Variants in ARMC9 observed in about 807,000 individuals in gnomAD.
ARMC9 encodes the protein lisH domain-containing protein ARMC9.
In ARMC9, 94 loss-of-function variants were observed where a neutral mutation model predicts 107.0. The ratio of observed to expected loss-of-function variants is 0.88; its 90% CI spans 0.74 to 1.04. The LOEUF (loss-of-function observed/expected upper bound fraction) is 1.04. Ranked by LOEUF, ARMC9 falls within the 50% of genes least tolerant of loss-of-function variation. The probability of loss-of-function intolerance (pLI) is 0.00; values close to 1 mark genes in which losing one functional copy is unlikely to be tolerated. For missense variants in ARMC9, 942 were observed against 1,030.1 expected (o/e 0.91, Z 1.17); for synonymous variants, 380 against 396.9 (o/e 0.96, Z 0.51).
At chr2:231,210,724 A>T (rs931404118) in intron 3 of ARMC9, among the ~76,000 whole-genome samples, 3 of 152,230 alleles carry the variant, frequency 2.0e-5, no homozygotes, top group Non-Finnish European at 4.4e-5. Context: ...TGCATCTGAG[A>T]ACACTCAAAT....
At chr2:231,229,765 A>T (rs1352206255) in intron 7 of ARMC9, among the ~76,000 whole-genome samples, 1 of 152,220 alleles carries the variant, frequency 6.6e-6, no homozygotes, top group Non-Finnish European at 1.5e-5. Flanking sequence ...GTATATCATT[A>T]TAAAGACAGA....
At chr2:231,331,294 G>A (rs1048478276) in intron 19 of ARMC9, among the ~76,000 whole-genome samples, 22 of 152,142 alleles carry the variant, frequency 1.4e-4, no homozygotes, top group Non-Finnish European at 2.9e-5. Flanking sequence ...GTAGTGGGAG[G>A]AATATGGAAA....
At chr2:231,337,721 G>A (rs1427975006) in intron 20 of ARMC9, among the ~76,000 whole-genome samples, 2 of 152,050 alleles carry the variant, frequency 1.3e-5, no homozygotes, top group Admixed American at 6.6e-5. Flanking sequence ...ACCTCACCCG[G>A]CCTCAATGTC....
At chr2:231,303,440 T>A (rs373884100) in intron 19 of ARMC9, among the ~76,000 whole-genome samples, 1 of 152,234 alleles carries the variant, frequency 6.6e-6, no homozygotes, top group Non-Finnish European at 1.5e-5. Flanking sequence ...TTCCTGATCT[T>A]ACAGTGAATG....
intron 5 of ARMC9, among the ~76,000 whole-genome samples, chr2:231,217,740 G>A (rs1360827044): frequency 1.3e-5 from 2 of 152,146 alleles, no homozygotes; most frequent in African/African-American, 4.8e-5. Context: ...GCCCAGGCTG[G>A]AGTATAGTGG....
intron 3 of ARMC9, among the ~76,000 whole-genome samples, chr2:231,212,602 T>C (rs908933058): frequency 6.6e-6 from 1 of 152,222 alleles, no homozygotes. Flanking sequence ...GAATGGGCAC[T>C]GGGTTTGCTT....
chr2:231,312,178 G>C (rs2042392353), intron 19 of ARMC9, among the ~76,000 whole-genome samples: 1 of 152,210 alleles, frequency 6.6e-6, no homozygotes, highest in Non-Finnish European at 1.5e-5. Context: ...CTGGATGTCA[G>C]CTGGGCCGGA....
At chr2:231,370,375 TGAG>T (rs1286457870) in intron 24 of ARMC9, among the ~76,000 whole-genome samples, 2 of 152,198 alleles carry the variant, frequency 1.3e-5, no homozygotes, top group Admixed American at 1.3e-4. Flanking sequence ...AAACTCAAGC[TGAG>T]GAGTGAGACC....
At position 231,297,837 on chromosome 2, in the gene ARMC9, CT is replaced by C. The variant is rs1168952439; in HGVS notation, c.1773+1591del. Reference sequence around the variant, plus strand: ...ATATTTAATTATTTGTTTTTAACAACTTTTTTTCATTGTGTCCTAAAGTTTG... The same window carrying C: ...ATATTTAATTATTTGTTTTTAACAACTTTTTTCATTGTGTCCTAAAGTTTG... On this transcript the variant is annotated intron_variant, in intron 19 of 24. Coordinates refer to ENST00000611582, the MANE Select transcript of ARMC9 (RefSeq NM_001352754.2). The surrounding 1 kb of genome is among the most constrained non-coding windows in gnomAD (Gnocchi z 4.2). Among the ~76,000 whole-genome samples, 1 of 152,134 alleles carries C rather than the reference CT, an allele frequency of 6.6e-6. No homozygotes were observed. The highest frequency in any genetic ancestry group is 2.4e-5 in the African/African-American group (1 of 41,426).
intron 19 of ARMC9, among the ~76,000 whole-genome samples, chr2:231,316,049 T>A (rs1169063727): frequency 1.3e-5 from 2 of 152,198 alleles, no homozygotes; most frequent in African/African-American, 4.8e-5. Context: ...TAGGCTCGAT[T>A]TCTGTTCCTC....
chr2:231,203,802 A>G (rs1414909438), intron 1 of ARMC9, among the ~76,000 whole-genome samples: 1 of 152,182 alleles, frequency 6.6e-6, no homozygotes, highest in East Asian at 1.9e-4. Flanking sequence ...TCTACTAAAA[A>G]TACAAAAATT....
chr2:231,296,106 A>C (rs1030438868), intron 18 of ARMC9, 92 bp from the exon 19 acceptor site: 3 of 855,702 alleles, frequency 3.5e-6, no homozygotes, highest in Non-Finnish European at 5.6e-6. Flanking sequence ...ATTCTCATTA[A>C]GGTGTTTATG....
chr2:231,357,003 C>T (rs1175114368), intron 22 of ARMC9, among the ~76,000 whole-genome samples: 3 of 152,088 alleles, frequency 2.0e-5, no homozygotes, highest in African/African-American at 4.8e-5. Context: ...CACTGAGAGG[C>T]CCTTTATTTT....
At position 231,375,439 on chromosome 2, in the gene ARMC9, G is replaced by C. The variant is rs2046167408; in HGVS notation, c.*3904G>C. On this transcript the variant is annotated 3_prime_UTR_variant, in exon 25 of 25. Coordinates refer to ENST00000611582, the MANE Select transcript of ARMC9 (RefSeq NM_001352754.2). The surrounding 1 kb of genome is among the most constrained non-coding windows in gnomAD (Gnocchi z 4.3). ...CCCCGAATGAACCAGAGGCAATACT[G>C]CTGCAAGCTACCACATAGATGCTGT... Among the ~76,000 whole-genome samples the C allele has an allele frequency of 6.6e-6, 1 of 152,244 alleles. No homozygotes were observed. Among genetic ancestry groups the C allele is most frequent in the Non-Finnish European group, 1.5e-5 (1 of 68,052 alleles).
intron 15 of ARMC9, 136 bp from the exon 16 acceptor site, chr2:231,278,246 C>T: frequency 1.3e-6 from 1 of 778,060 alleles, no homozygotes; most frequent in South Asian, 1.6e-5. Context: ...CATGACTCAC[C>T]CGAGGTCATA....
chr2:231,260,992 C>T (rs1156582018), intron 11 of ARMC9, among the ~76,000 whole-genome samples: 1 of 152,288 alleles, frequency 6.6e-6, no homozygotes, highest in Middle Eastern at 3.4e-3. Context: ...CAGGCACACC[C>T]TGGCCATGGT....
At chr2:231,327,472 A>G (rs1444584234) in intron 19 of ARMC9, among the ~76,000 whole-genome samples, 1 of 152,152 alleles carries the variant, frequency 6.6e-6, no homozygotes, top group Non-Finnish European at 1.5e-5. Context: ...TTTCACCAAC[A>G]TCATTCTCCG....
intron 18 of ARMC9, 105 bp downstream of exon 18, chr2:231,291,548 T>A (rs2040993598): frequency 1.8e-6 from 2 of 1,138,090 alleles, no homozygotes; most frequent in Non-Finnish European, 2.5e-6. Flanking sequence ...CCGGGCACGG[T>A]GGCTCGTGCT....
chr2:231,290,550 C>T (rs2040916753), intron 17 of ARMC9, among the ~76,000 whole-genome samples: 1 of 152,156 alleles, frequency 6.6e-6, no homozygotes, highest in Non-Finnish European at 1.5e-5. Context: ...TGGTTAGAGG[C>T]CTCGTCAGCT....
Sources: gnomAD v4.1 joint callset for allele counts (sites outside exome capture counted in the v4.1 genomes callset) on GRCh38, gnomAD v4.1.1 for gene constraint, Gnocchi (gnomAD v3.1) non-coding constraint, MANE v1.5 for transcripts, NCBI Gene and HGNC (gene_info 2026-07-23, HGNC 2026-07-21) for gene names.